IQSEC1: variants seen among roughly 807,000 people sequenced by gnomAD.
The protein encoded by IQSEC1 is IQ motif and SEC7 domain-containing protein 1.
A neutral mutation model predicts 91.0 loss-of-function variants in IQSEC1; 31 were observed. That is an observed-to-expected ratio of 0.34 (90% CI 0.26 to 0.46). The LOEUF is 0.46. IQSEC1 is among the 20% of genes least tolerant of loss of function. The pLI, the probability that IQSEC1 is intolerant of heterozygous loss-of-function variation, is 1.00. For synonymous variants in IQSEC1, 699 were observed against 662.6 expected (o/e 1.05, Z -0.84); for missense variants, 1,388 against 1,575.6 (o/e 0.88, Z 2.02).
At chr3:12,904,658 G>A (rs1344490360) in intron 12 of IQSEC1, among the ~76,000 whole-genome samples, 2 of 152,218 alleles carry the variant, frequency 1.3e-5, no homozygotes. Flanking sequence ...ATGTGGAAAT[G>A]TGGAGGGACA....
At chr3:13,052,257 T>C (rs1704718470) in intron 1 of IQSEC1, among the ~76,000 whole-genome samples, 1 of 152,166 alleles carries the variant, frequency 6.6e-6, no homozygotes, top group South Asian at 2.1e-4. Flanking sequence ...TCCATCCCCA[T>C]CATATTTTCA....
chr3:13,244,808 A>G (rs1405715358), intron 1 of IQSEC1, among the ~76,000 whole-genome samples: 1 of 152,092 alleles, frequency 6.6e-6, no homozygotes, highest in East Asian at 1.9e-4. Flanking sequence ...GCACACACCA[A>G]AAAAAGCCTG....
chr3:13,232,098 C>T (rs1694847873), intron 1 of IQSEC1, among the ~76,000 whole-genome samples: 1 of 152,236 alleles, frequency 6.6e-6, no homozygotes, highest in Admixed American at 6.5e-5. Flanking sequence ...AGTTAGGGCA[C>T]TGTACTGGTT....
At chr3:13,186,172 T>C (rs929576059) in intron 1 of IQSEC1, among the ~76,000 whole-genome samples, 9 of 152,154 alleles carry the variant, frequency 5.9e-5, no homozygotes, top group Admixed American at 2.0e-4. Flanking sequence ...ACATAGGTAA[T>C]TGAGGATCCT....
chr3:13,253,060 C>T (rs1576311492), intron 1 of IQSEC1, among the ~76,000 whole-genome samples: 2 of 152,202 alleles, frequency 1.3e-5, no homozygotes, highest in Non-Finnish European at 1.5e-5. Context: ...TGATAGTAGC[C>T]ACCCTGGTGG....
intron 2 of IQSEC1, among the ~76,000 whole-genome samples, chr3:13,131,126 C>T (rs1460731883): frequency 6.6e-6 from 1 of 151,958 alleles, no homozygotes; most frequent in Non-Finnish European, 1.5e-5. Context: ...CTTTGCTGTC[C>T]TGTCAATTTT....
Position 13,174,066 on chromosome 3 carries a change from C to T in IQSEC1, c.273-9933G>A, listed in dbSNP as rs147327462. Among the ~76,000 whole-genome samples the T allele has an allele frequency of 3.4e-3, 514 of 152,298 alleles. 2 individuals carry two copies. The highest frequency in any genetic ancestry group is 4.5e-3 in the Non-Finnish European group (303 of 68,016). ...CTGCTGTACAGAGTCTAACTACACT[C>T]ACTGAGCCAGAGGCCCGGGTTCCTA... is the stretch of plus-strand genomic sequence containing the variant. On this transcript the variant is annotated intron_variant, in intron 1 of 15. Coordinates refer to the IQSEC1 transcript ENST00000648114.
chr3:13,120,053 T>C (rs1181297508), intron 2 of IQSEC1, among the ~76,000 whole-genome samples: 2 of 152,172 alleles, frequency 1.3e-5, no homozygotes, highest in Non-Finnish European at 2.9e-5. Flanking sequence ...CTCCAAGACA[T>C]GTTCCTTAGA....
At chr3:13,026,565 T>C (rs1269132720) in intron 1 of IQSEC1, among the ~76,000 whole-genome samples, 2 of 152,250 alleles carry the variant, frequency 1.3e-5, no homozygotes, top group East Asian at 3.8e-4. Context: ...GCCTTCCTTC[T>C]GTACCAAGGG....
In IQSEC1 at chr3:12,932,649, C is replaced by A. The variant is rs946663293; in HGVS notation, c.1568+2799G>T. 1.3e-4 allele frequency among the ~76,000 whole-genome samples: 20 copies of A among 152,346 alleles called. 1 individual carries two copies. Among genetic ancestry groups the A allele is most frequent in the Admixed American group, 3.9e-4 (6 of 15,314 alleles). On this transcript the variant is annotated intron_variant, in intron 3 of 13. Coordinates refer to ENST00000613206, the MANE Select transcript of IQSEC1 (RefSeq NM_001134382.3). ...CTCTGGACACAGAAGCCCTTGCTGA[C>A]CACAACAGCTGCCATCCACTGCACA...
At chr3:13,086,471 C>T (rs1229748698) in intron 2 of IQSEC1, among the ~76,000 whole-genome samples, 1 of 152,184 alleles carries the variant, frequency 6.6e-6, no homozygotes, top group Non-Finnish European at 1.5e-5. Flanking sequence ...AACCAGCGGG[C>T]GTCTTTTTCC....
At chr3:13,063,031 C>T (rs141448420) in intron 1 of IQSEC1, among the ~76,000 whole-genome samples, 21 of 152,346 alleles carry the variant, frequency 1.4e-4, no homozygotes, top group African/African-American at 4.8e-4. Flanking sequence ...TCTGGCGCAG[C>T]CCCAGCTCCT....
At chr3:13,100,046 G>T (rs2124825504) in intron 2 of IQSEC1, among the ~76,000 whole-genome samples, 1 of 129,984 alleles carries the variant, frequency 7.7e-6, no homozygotes, top group Admixed American at 7.4e-5. Flanking sequence ...AGCCTTGGGA[G>T]AGTTCCGAGT....
intron 5 of IQSEC1, 125 bp from the exon 6 acceptor site, chr3:12,920,721 C>T (rs1696553608): frequency 1.1e-5 from 11 of 1,019,928 alleles, no homozygotes; most frequent in Non-Finnish European, 1.6e-5. Flanking sequence ...GAGGATCACA[C>T]CTGCCTGTCG....
intron 12 of IQSEC1, among the ~76,000 whole-genome samples, chr3:12,907,046 C>A (rs1236790027): frequency 6.6e-6 from 1 of 152,132 alleles, no homozygotes; most frequent in Non-Finnish European, 1.5e-5. Flanking sequence ...TACTGGCAAC[C>A]AGTAGTAGAG....
intron 12 of IQSEC1, among the ~76,000 whole-genome samples, chr3:12,906,424 C>T (rs1157826217): frequency 1.3e-5 from 2 of 152,224 alleles, no homozygotes; most frequent in South Asian, 2.1e-4. Context: ...CTGCCTGTCC[C>T]GATGGGAGAT....
At chr3:13,281,260 G>C (rs540583580) in intron 1 of IQSEC1, among the ~76,000 whole-genome samples, 3 of 152,186 alleles carry the variant, frequency 2.0e-5, no homozygotes, top group African/African-American at 7.2e-5. Flanking sequence ...AGCTCCGGGA[G>C]ACCCACAGCT....
chr3:13,024,008 C>T (rs79380997), intron 1 of IQSEC1, among the ~76,000 whole-genome samples: 7,729 of 152,288 alleles, frequency 0.051, 211 homozygotes, highest in Middle Eastern at 0.068. Context: ...TGGAACCCCA[C>T]TGACCTAAGG....
Position 12,964,611 on chromosome 3 carries a change from T to TATC in IQSEC1, c.24-22749_24-22747dup, listed in dbSNP as rs546740510. On this transcript the variant is annotated intron_variant, in intron 1 of 13. Coordinates refer to ENST00000613206, the MANE Select transcript of IQSEC1 (RefSeq NM_001134382.3). ...CTCAGAGCACTCCATGAAGCAGTGT[T>TATC]ATCATTCCCTTTCACAGAAGGGGAA... Among the ~76,000 whole-genome samples the TATC allele has an allele frequency of 1.1e-4, 16 of 152,246 alleles. No individual in the cohort carries two copies. The South Asian group carries it at 3.3e-3, about 32-fold the overall frequency.
Sources: gnomAD v4.1 joint callset for allele counts (sites outside exome capture counted in the v4.1 genomes callset) on GRCh38, gnomAD v4.1.1 for gene constraint, MANE v1.5 for transcripts, NCBI Gene and HGNC (gene_info 2026-07-23, HGNC 2026-07-21) for gene names.